Variants in THNSL1 observed in about 807,000 individuals in gnomAD.
THNSL1 encodes threonine synthase like 1, also known as threonine synthase-like 1.
Under a neutral mutation model 50.4 loss-of-function variants are expected in THNSL1, and 48 were observed. The observed-to-expected ratio is 0.95, with a 90% CI of 0.76 to 1.21. The LOEUF is 1.21. Among genes scored for constraint, THNSL1 ranks in the 50% most tolerant of loss-of-function variants. The pLI is 0.00. For missense variants in THNSL1, 896 were observed against 871.7 expected, an observed-to-expected ratio of 1.03 and a Z score of -0.35; for synonymous variants, 309 against 306.1, an observed-to-expected ratio of 1.01 and a Z score of -0.10.
the THNSL1 span, among the ~76,000 whole-genome samples, chr10:24,972,523 AAT>A: frequency 7.7e-6 from 1 of 129,360 alleles, no homozygotes; most frequent in African/African-American, 4.4e-5. Flanking sequence ...AAAAAAAATA[AAT>A]AATAATAATA....
chr10:24,973,274 C>G, the THNSL1 span, among the ~76,000 whole-genome samples: 1 of 151,952 alleles, frequency 6.6e-6, no homozygotes, highest in African/African-American at 2.4e-5. Flanking sequence ...AACCCAAGCA[C>G]TGTGATACCA....
the THNSL1 span, chr10:24,999,391 T>C: frequency 6.3e-7 from 1 of 1,590,174 alleles, no homozygotes; most frequent in Non-Finnish European, 8.5e-7. Flanking sequence ...TAAAGCATGA[T>C]AAAACCTACT....
At position 25,024,535 on chromosome 10, in the gene THNSL1, G is replaced by A. The variant is rs755333910; in HGVS notation, c.1312G>A (p.Asp438Asn). 1 of 1,614,166 alleles carries A rather than the reference G, an allele frequency of 6.2e-7. No individual in the cohort carries two copies. The highest frequency in any genetic ancestry group is 8.5e-7 in the Non-Finnish European group (1 of 1,180,006). The change falls in exon 3 of 3, where the codon GAT becomes AAT. Residue 438 changes from aspartate (D) to asparagine (N), a missense_variant. Asp to Asn is a conservative substitution (Grantham distance 23). Transcript: ENST00000376356. ...GGCAGTGGGTGTTGAGTCAGATTTT[G>A]ATTTTTGCCAGACAGCTATAAAAAG... ...GWAVGVESDFDFCQTAIKRIF... is the reference protein window; with the variant it reads ...GWAVGVESDFNFCQTAIKRIF...
the THNSL1 span, among the ~76,000 whole-genome samples, chr10:25,007,910 T>C: frequency 3.3e-5 from 5 of 151,230 alleles, no homozygotes; most frequent in African/African-American, 1.2e-4. Context: ...CACATAGTTT[T>C]CCAGGCCTTC....
chr10:25,018,659 G>GTTTTT lies in THNSL1; in HGVS notation c.-216+1983_-216+1987dup, dbSNP rs374289213. On this transcript the variant is annotated intron_variant, in intron 1 of 2. Transcript: ENST00000376356. ...TGATGTACATAAACAAATGAGAGTTGTTTTTTTTTTTTTTTTTTTTGCGAA... is the reference window on the plus strand; with the variant it reads ...TGATGTACATAAACAAATGAGAGTTGTTTTTTTTTTTTTTTTTTTTTTTTTGCGAA... 1.1e-3 allele frequency among the ~76,000 whole-genome samples: 104 copies of GTTTTT among 93,632 alleles called. 6 individuals carry two copies. The highest frequency in any genetic ancestry group is 6.8e-3 in the Middle Eastern group (1 of 146). 61.4% of individuals were successfully genotyped at this position (93,632 alleles called of 152,430 possible). A position where few individuals can be genotyped will look rare whatever the true frequency, so the allele number is the denominator to read the frequency against.
the THNSL1 span, among the ~76,000 whole-genome samples, chr10:24,959,692 T>C: frequency 1.3e-5 from 2 of 152,104 alleles, no homozygotes. Context: ...TTTTTTTTTG[T>C]CTATGCAAAC....
At chr10:24,988,434 T>G in the THNSL1 span, among the ~76,000 whole-genome samples, 1 of 143,378 alleles carries the variant, frequency 7.0e-6, no homozygotes, top group South Asian at 2.1e-4. Context: ...GTAAAATTTA[T>G]TTTTTATATT....
chr10:25,021,358 T>C (rs959881140), intron 1 of THNSL1, among the ~76,000 whole-genome samples: 2 of 152,232 alleles, frequency 1.3e-5, no homozygotes, highest in Non-Finnish European at 2.9e-5. Context: ...TGATAGATAA[T>C]ATAGCCTAAA....
chr10:24,976,347 T>C, the THNSL1 span, among the ~76,000 whole-genome samples: 1,962 of 152,086 alleles, frequency 0.013, 57 homozygotes, highest in African/African-American at 0.045. Flanking sequence ...ACACAAAACA[T>C]AGGAAGCAGC....
the THNSL1 span, among the ~76,000 whole-genome samples, chr10:25,007,082 G>A: frequency 6.6e-6 from 1 of 152,076 alleles, no homozygotes; most frequent in African/African-American, 2.4e-5. Context: ...GATTTTACCT[G>A]TGTCCTGGCA....
chr10:25,009,328 G>T, the THNSL1 span, among the ~76,000 whole-genome samples: 1 of 152,014 alleles, frequency 6.6e-6, no homozygotes, highest in East Asian at 1.9e-4. Context: ...GTTGTAGAGA[G>T]AATTTTTATT....
chr10:24,962,970 GA>G, the THNSL1 span, among the ~76,000 whole-genome samples: 1 of 152,156 alleles, frequency 6.6e-6, no homozygotes, highest in South Asian at 2.1e-4. Context: ...CAAAGAATAG[GA>G]GACTAGAAAA....
the THNSL1 span, among the ~76,000 whole-genome samples, chr10:25,000,636 T>C: frequency 6.6e-6 from 1 of 152,092 alleles, no homozygotes; most frequent in Non-Finnish European, 1.5e-5. Flanking sequence ...TAATCAAGCA[T>C]CCCTTTGATT....
At chr10:24,952,781 G>C in the THNSL1 span, among the ~76,000 whole-genome samples, 1 of 151,524 alleles carries the variant, frequency 6.6e-6, no homozygotes, top group Non-Finnish European at 1.5e-5. This position sits in a 1 kb window ranked among gnomAD's most constrained non-coding sequence, Gnocchi z 5.1. Context: ...CCCTCCCCTG[G>C]CTAGGCCGCG....
chr10:24,997,730 A>G, the THNSL1 span, among the ~76,000 whole-genome samples: 1 of 151,768 alleles, frequency 6.6e-6, no homozygotes. Flanking sequence ...GGCCAATGAA[A>G]TTTTGGGTTT....
chr10:24,988,714 A>ATATATATATATATATATATATATATATG, the THNSL1 span, among the ~76,000 whole-genome samples: 1 of 100,764 alleles, frequency 9.9e-6, no homozygotes, highest in Non-Finnish European at 2.2e-5. Flanking sequence ...ATATATATAT[A>ATATATATATATATATATATATATATATG]TATATATATA....
chr10:24,996,592 CA>C, the THNSL1 span, among the ~76,000 whole-genome samples: 1 of 152,060 alleles, frequency 6.6e-6, no homozygotes, highest in East Asian at 1.9e-4. Context: ...TGCCACAATG[CA>C]AAAATGTGAA....
chr10:25,009,155 A>G, the THNSL1 span, among the ~76,000 whole-genome samples: 2 of 152,196 alleles, frequency 1.3e-5, no homozygotes, highest in African/African-American at 4.8e-5. Flanking sequence ...TACCTAACGT[A>G]AATGATGAGT....
At chr10:25,011,737 A>C (rs1850448865), upstream of THNSL1, among the ~76,000 whole-genome samples, 1 of 152,240 alleles carries the variant, frequency 6.6e-6, no homozygotes, top group Non-Finnish European at 1.5e-5. Context: ...ACAAATGGCA[A>C]CTTATGTTTA....
Sources: allele counts gnomAD v4.1 joint callset (sites outside exome capture counted in the v4.1 genomes callset), GRCh38; gene constraint gnomAD v4.1.1; non-coding constraint Gnocchi (gnomAD v3.1); transcripts MANE v1.5; gene names NCBI Gene and HGNC (gene_info 2026-07-23, HGNC 2026-07-21).